The following TAX1BP1 variants were observed in gnomAD, a reference collection of about 807,000 sequenced individuals.
The protein encoded by TAX1BP1 is Tax1 binding protein 1.
A neutral mutation model predicts 97.7 loss-of-function variants in TAX1BP1; 62 were observed. That is an observed-to-expected ratio of 0.63 (90% CI 0.52 to 0.78). The LOEUF (loss-of-function observed/expected upper bound fraction) is 0.78, where lower values mean the gene tolerates loss of function less well. Ranked by LOEUF, TAX1BP1 falls within the 30% of genes least tolerant of loss-of-function variation. The pLI is 0.00. For missense variants in TAX1BP1, 867 were observed against 916.1 expected (o/e 0.95, Z 0.69); for synonymous variants, 340 against 304.2 (o/e 1.12, Z -1.23).
At chr7:27,794,258 T>C (rs1471822929) in intron 10 of TAX1BP1, 65 bp from the exon 11 acceptor site, 2 of 1,341,814 alleles carry the variant, frequency 1.5e-6, no homozygotes, top group Non-Finnish European at 2.0e-6. Flanking sequence ...TTTACTTAGT[T>C]ACTGCAAGGA....
chr7:27,808,215 C>T (rs1424969158), intron 13 of TAX1BP1, among the ~76,000 whole-genome samples: 1 of 152,080 alleles, frequency 6.6e-6, no homozygotes, highest in Non-Finnish European at 1.5e-5. Flanking sequence ...CCTCTCTTTC[C>T]CTCTCTGTAT....
At chr7:27,745,063 C>T (rs967318328) in intron 1 of TAX1BP1, among the ~76,000 whole-genome samples, 2 of 152,140 alleles carry the variant, frequency 1.3e-5, no homozygotes, top group African/African-American at 2.4e-5. Flanking sequence ...GTTGACTGGA[C>T]GTTTCATACT....
chr7:27,742,073 C>G (rs529435521), intron 1 of TAX1BP1, among the ~76,000 whole-genome samples: 2 of 152,234 alleles, frequency 1.3e-5, no homozygotes, highest in African/African-American at 4.8e-5. Flanking sequence ...GTAGATGGAA[C>G]GTACAATCGG....
At position 27,797,571 on chromosome 7, in the gene TAX1BP1, A is replaced by G. The variant is rs147296457; in HGVS notation, c.1638+1352A>G. Among the ~76,000 whole-genome samples, 23 of 152,190 alleles carry G rather than the reference A, an allele frequency of 1.5e-4. No individual in the cohort carries two copies. In the East Asian group the frequency reaches 4.2e-3, roughly 28 times the overall value. Reference sequence around the variant, plus strand: ...ATTAGCTTCATGTTACTGTAATTTAATTTACAGTAATTATTTAAAATATTT... The same window carrying G: ...ATTAGCTTCATGTTACTGTAATTTAGTTTACAGTAATTATTTAAAATATTT... On this transcript the variant is annotated intron_variant, in intron 12 of 16. Coordinates refer to ENST00000396319, the MANE Select transcript of TAX1BP1 (RefSeq NM_006024.7).
chr7:27,827,794 T>C lies in TAX1BP1; in HGVS notation c.2142T>C (p.His714=), dbSNP rs1791242344. 1.2e-6 allele frequency: 2 copies of C among 1,613,988 alleles called. No homozygotes were observed. Among genetic ancestry groups the C allele is most frequent in the Non-Finnish European group, 8.5e-7 (1 of 1,179,904 alleles). The change falls in exon 16 of 17, where the codon CAT becomes CAC. Residue 714 remains histidine (H), a synonymous_variant. Coordinates refer to ENST00000396319, the MANE Select transcript of TAX1BP1 (RefSeq NM_006024.7). ...PDPPSQHLRG[H]GTGFCFDSSF... is the part of the protein sequence containing the mutation. ...CTCCAAGTCAACATTTACGTGGGCA[T>C]GGGACAGGCTTTTGCTTTGATTCCA...
At chr7:27,755,393 ATTTC>A (rs1225868047) in intron 2 of TAX1BP1, among the ~76,000 whole-genome samples, 1 of 151,640 alleles carries the variant, frequency 6.6e-6, no homozygotes, top group African/African-American at 2.4e-5. Context: ...CCTCTTCTCT[ATTTC>A]TTTCTTTCTT....
At chr7:27,786,925 A>T (rs1333153377) in intron 7 of TAX1BP1, among the ~76,000 whole-genome samples, 1 of 152,230 alleles carries the variant, frequency 6.6e-6, no homozygotes. Context: ...AAATCAATAT[A>T]GTTGGGTTAG....
chr7:27,780,829 ATATATT>A (rs1562717145), intron 5 of TAX1BP1, among the ~76,000 whole-genome samples: 1 of 152,092 alleles, frequency 6.6e-6, no homozygotes, highest in African/African-American at 2.4e-5. Context: ...TATTTCTACA[ATATATT>A]TATATACTTT....
chr7:27,749,903 C>T (rs543587755), intron 2 of TAX1BP1, among the ~76,000 whole-genome samples: 1 of 152,218 alleles, frequency 6.6e-6, no homozygotes. Context: ...GTGATCCTTT[C>T]CCCGCAGCCT....
intron 2 of TAX1BP1, among the ~76,000 whole-genome samples, chr7:27,756,713 A>T (rs1213096979): frequency 6.6e-6 from 1 of 152,164 alleles, no homozygotes; most frequent in Non-Finnish European, 1.5e-5. Context: ...TAGGCACTTC[A>T]GATGCTGCTT....
At chr7:27,769,610 A>G (rs993309975) in intron 4 of TAX1BP1, 66 bp from the exon 5 acceptor site, 7 of 1,344,812 alleles carry the variant, frequency 5.2e-6, no homozygotes, top group Non-Finnish European at 6.1e-6. Flanking sequence ...ATGGAAAACT[A>G]AATTTGTAAT....
At chr7:27,798,268 A>AT (rs1288979101) in intron 12 of TAX1BP1, among the ~76,000 whole-genome samples, 1 of 151,450 alleles carries the variant, frequency 6.6e-6, no homozygotes, top group African/African-American at 2.4e-5. Flanking sequence ...GCTTATGAAC[A>AT]TTTGTTTAGA....
At chr7:27,798,290 G>C (rs1238945040) in intron 12 of TAX1BP1, among the ~76,000 whole-genome samples, 1 of 152,038 alleles carries the variant, frequency 6.6e-6, no homozygotes, top group Non-Finnish European at 1.5e-5. Flanking sequence ...GTTGTTTATG[G>C]ACATATGTTT....
At chr7:27,747,506 C>T (rs966972433) in intron 1 of TAX1BP1, among the ~76,000 whole-genome samples, 2 of 151,880 alleles carry the variant, frequency 1.3e-5, no homozygotes, top group Admixed American at 1.3e-4. Flanking sequence ...GGAAAGGGTA[C>T]GTGAATACTA....
intron 11 of TAX1BP1, among the ~76,000 whole-genome samples, chr7:27,795,779 C>A (rs943759327): frequency 6.6e-6 from 1 of 152,178 alleles, no homozygotes; most frequent in Non-Finnish European, 1.5e-5. Context: ...GTCTCGATCT[C>A]CTGCCTCGGC....
chr7:27,768,490 G>A (rs891293444), intron 4 of TAX1BP1, among the ~76,000 whole-genome samples: 2 of 151,840 alleles, frequency 1.3e-5, no homozygotes, highest in African/African-American at 4.8e-5. Flanking sequence ...ACTGGAAAAG[G>A]TGATTCTTTT....
In TAX1BP1 at chr7:27,816,487, T is replaced by C. The variant is rs1371666330; in HGVS notation, c.1903T>C (p.Tyr635His). ...GTCAAATGCACAACCAGTTCTGCAA[T>C]ATGGTAATCCTTATGCATCTCAGGA... Reference protein sequence around the residue: ...TLSNAQPVLQYGNPYASQETR... With the variant: ...TLSNAQPVLQHGNPYASQETR... Residue 635 changes from tyrosine (Y) to histidine (H), a missense_variant, in exon 14 of 17, where the codon TAT (tyrosine) becomes CAT (histidine). By Grantham distance (83) the Tyr-to-His change is moderately conservative (BLOSUM62 2). Around this residue, in one of 3 missense-constraint regions of TAX1BP1, gnomAD observed 822 missense variants for 851.4 expected, o/e 0.97. Transcript: ENST00000396319. 1.9e-6 allele frequency: 3 copies of C among 1,557,306 alleles called. No homozygotes were observed. Among genetic ancestry groups the C allele is most frequent in the Non-Finnish European group, 2.6e-6 (3 of 1,163,196 alleles).
chr7:27,819,508 G>A (rs1346621775), intron 15 of TAX1BP1, among the ~76,000 whole-genome samples: 1 of 152,170 alleles, frequency 6.6e-6, no homozygotes, highest in Non-Finnish European at 1.5e-5. Context: ...GGCATTGAAA[G>A]GAATGTGTAG....
At chr7:27,822,204 A>G (rs1401318738) in intron 15 of TAX1BP1, among the ~76,000 whole-genome samples, 1 of 152,220 alleles carries the variant, frequency 6.6e-6, no homozygotes, top group Non-Finnish European at 1.5e-5. Flanking sequence ...TCTGTTCCCA[A>G]GCATTTTGGA....
Sources: gnomAD v4.1 joint callset for allele counts (sites outside exome capture counted in the v4.1 genomes callset) on GRCh38, gnomAD v4.1.1 for gene constraint, gnomAD v4.1.1 regional missense constraint, MANE v1.5 for transcripts, NCBI Gene and HGNC (gene_info 2026-07-23, HGNC 2026-07-21) for gene names.